Variants in SLC35D4 observed in about 807,000 individuals in gnomAD.
The protein encoded by SLC35D4 is solute carrier family 35 member D4, also known as UDP-N-acetylglucosamine transporter SLC35D4.
At chr18:23,258,730 G>C in the SLC35D4 span, 1 of 152,196 alleles carries the variant, frequency 6.6e-6, no homozygotes, top group African/African-American at 2.4e-5. Context: ...TGCGCACACT[G>C]ATTCTAGTGA....
the SLC35D4 span, among the ~76,000 whole-genome samples, chr18:23,343,179 TCCCAGA>T: frequency 6.6e-6 from 1 of 152,258 alleles, no homozygotes; most frequent in Non-Finnish European, 1.5e-5. Flanking sequence ...TGCCTCGGCT[TCCCAGA>T]GTGCTGGGTT....
At chr18:23,376,668 G>A in the SLC35D4 span, among the ~76,000 whole-genome samples, 1 of 152,198 alleles carries the variant, frequency 6.6e-6, no homozygotes, top group South Asian at 2.1e-4. Flanking sequence ...TCTACCTACA[G>A]TGAAAGGCTT....
the SLC35D4 span, among the ~76,000 whole-genome samples, chr18:23,266,229 C>T: frequency 6.6e-6 from 1 of 152,074 alleles, no homozygotes; most frequent in East Asian, 1.9e-4. Flanking sequence ...CTAGGCAGAC[C>T]GTGCGGCCTT....
At chr18:23,355,592 C>CTTT in the SLC35D4 span, among the ~76,000 whole-genome samples, 895 of 141,658 alleles carry the variant, frequency 6.3e-3, 11 homozygotes, top group African/African-American at 0.022. Context: ...CTCTGTAATT[C>CTTT]TTTTTTTTTT....
the SLC35D4 span, among the ~76,000 whole-genome samples, chr18:23,265,122 C>T: frequency 6.6e-6 from 1 of 152,160 alleles, no homozygotes; most frequent in Non-Finnish European, 1.5e-5. Context: ...CAGCCACATC[C>T]GCATCTCACT....
the SLC35D4 span, among the ~76,000 whole-genome samples, chr18:23,390,560 G>GT: frequency 6.6e-6 from 1 of 152,132 alleles, no homozygotes; most frequent in Non-Finnish European, 1.5e-5. Flanking sequence ...AGAGAAATTG[G>GT]TAACTCTCAC....
At chr18:23,349,689 C>T in the SLC35D4 span, among the ~76,000 whole-genome samples, 3 of 152,190 alleles carry the variant, frequency 2.0e-5, no homozygotes, top group African/African-American at 7.2e-5. Flanking sequence ...ATTTCATTTG[C>T]TTTACCTTCT....
the SLC35D4 span, chr18:23,296,688 T>C: frequency 2.6e-5 from 4 of 152,140 alleles, no homozygotes; most frequent in Non-Finnish European, 5.9e-5. Context: ...CTCTGAGATA[T>C]CAGGGAATGA....
At chr18:23,313,776 C>G in the SLC35D4 span, among the ~76,000 whole-genome samples, 9 of 152,186 alleles carry the variant, frequency 5.9e-5, no homozygotes, top group African/African-American at 2.2e-4. Flanking sequence ...TCGCTCCCCT[C>G]CTCTCTCACT....
chr18:23,410,317 A>T, the SLC35D4 span, among the ~76,000 whole-genome samples: 4 of 152,030 alleles, frequency 2.6e-5, no homozygotes, highest in South Asian at 8.3e-4. Context: ...CTCTACTAAA[A>T]ATACAAAAAA....
the SLC35D4 span, among the ~76,000 whole-genome samples, chr18:23,262,351 TC>T: frequency 1.3e-5 from 2 of 152,176 alleles, no homozygotes; most frequent in East Asian, 3.9e-4. Flanking sequence ...GAGGCCTGGA[TC>T]CCAGGTTCCC....
the SLC35D4 span, among the ~76,000 whole-genome samples, chr18:23,318,561 A>G: frequency 1.3e-5 from 2 of 152,228 alleles, no homozygotes; most frequent in Non-Finnish European, 2.9e-5. Flanking sequence ...ATATAGATAT[A>G]TCATGGTTTC....
At chr18:23,416,544 G>A in the SLC35D4 span, among the ~76,000 whole-genome samples, 7 of 152,276 alleles carry the variant, frequency 4.6e-5, no homozygotes, top group East Asian at 1.9e-4. Flanking sequence ...CAGCACACAC[G>A]AAAGAACGTG....
the SLC35D4 span, among the ~76,000 whole-genome samples, chr18:23,393,163 C>T: frequency 3.9e-5 from 6 of 152,082 alleles, no homozygotes; most frequent in South Asian, 4.2e-4. Flanking sequence ...GATCCATCCA[C>T]CTCAGGCTCC....
chr18:23,379,591 G>C, the SLC35D4 span, among the ~76,000 whole-genome samples: 2 of 152,290 alleles, frequency 1.3e-5, no homozygotes, highest in African/African-American at 4.8e-5. Context: ...CCCTTCCATG[G>C]AGGGGAGTAA....
the SLC35D4 span, among the ~76,000 whole-genome samples, chr18:23,386,738 AAAAG>A: frequency 6.6e-6 from 1 of 151,932 alleles, no homozygotes; most frequent in Non-Finnish European, 1.5e-5. Context: ...AAAAAAAAAA[AAAAG>A]GAGAAAATAT....
At chr18:23,371,471 C>T in the SLC35D4 span, 8 of 1,592,710 alleles carry the variant, frequency 5.0e-6, no homozygotes, top group East Asian at 1.8e-4. Flanking sequence ...CTGGATTAAA[C>T]TGAAACACAA....
chr18:23,403,847 T>C, the SLC35D4 span, among the ~76,000 whole-genome samples: 1 of 152,232 alleles, frequency 6.6e-6, no homozygotes, highest in Non-Finnish European at 1.5e-5. Context: ...TTGGTTTTAC[T>C]GTATTTCCTT....
the SLC35D4 span, among the ~76,000 whole-genome samples, chr18:23,411,714 G>A: frequency 2.6e-5 from 4 of 152,058 alleles, no homozygotes; most frequent in Non-Finnish European, 1.5e-5. Flanking sequence ...TTTGAATCAT[G>A]GGCCTGTTTT....
Sources: allele counts gnomAD v4.1 joint callset (sites outside exome capture counted in the v4.1 genomes callset), GRCh38; gene constraint gnomAD v4.1.1; transcripts MANE v1.5; gene names NCBI Gene and HGNC (gene_info 2026-07-23, HGNC 2026-07-21).